Variants in GSE1 observed in about 807,000 individuals in gnomAD.
The protein encoded by GSE1 is genetic suppressor element 1.
A neutral mutation model predicts 112.6 loss-of-function variants in GSE1; 32 were observed. The observed-to-expected ratio is 0.28, with a 90% confidence interval of 0.21 to 0.38. The LOEUF (loss-of-function observed/expected upper bound fraction) is 0.38, where lower values mean the gene tolerates loss of function less well. Ranked by LOEUF, GSE1 falls within the 10% of genes least tolerant of loss-of-function variation. GSE1 has a pLI of 1.00. For missense variants in GSE1, 2,348 were observed against 1,699.2 expected (o/e 1.38, Z -6.71); for synonymous variants, 1,115 against 735.6 (o/e 1.52, Z -8.35).
intron 2 of GSE1, among the ~76,000 whole-genome samples, chr16:85,644,567 G>A (rs1472290378): frequency 6.6e-6 from 1 of 152,138 alleles, no homozygotes. Flanking sequence ...CAGGCGAGAA[G>A]GGCCACGCGG....
intron 1 of GSE1, among the ~76,000 whole-genome samples, chr16:85,277,625 C>T (rs942196433): frequency 5.9e-5 from 9 of 152,240 alleles, no homozygotes; most frequent in African/African-American, 2.2e-4. Context: ...AACTTCCACC[C>T]CACCTGGAAG....
intron 2 of GSE1, among the ~76,000 whole-genome samples, chr16:85,391,875 G>A (rs1215063944): frequency 6.6e-6 from 1 of 152,240 alleles, no homozygotes; most frequent in African/African-American, 2.4e-5. Flanking sequence ...TTGCTATGCT[G>A]GAACGTGTTC....
At chr16:85,201,167 G>C (rs993120892) in intron 1 of GSE1, among the ~76,000 whole-genome samples, 1 of 152,042 alleles carries the variant, frequency 6.6e-6, no homozygotes, top group African/African-American at 2.4e-5. Flanking sequence ...CAACCTCCCC[G>C]GTTTAAGTGA....
At chr16:85,529,310 G>A (rs995899061) in intron 2 of GSE1, among the ~76,000 whole-genome samples, 1 of 152,238 alleles carries the variant, frequency 6.6e-6, no homozygotes, top group Non-Finnish European at 1.5e-5. Context: ...GGAGACAGGG[G>A]CAGAGTCTCT....
intron 1 of GSE1, among the ~76,000 whole-genome samples, chr16:85,221,591 A>C (rs1160083189): frequency 6.6e-6 from 1 of 151,430 alleles, no homozygotes; most frequent in Non-Finnish European, 1.5e-5. Context: ...TCCAGCCCCA[A>C]CTCCCCAGCC....
chr16:85,183,603 CAGAT>C (rs772782196), intron 1 of GSE1, among the ~76,000 whole-genome samples: 1 of 152,244 alleles, frequency 6.6e-6, no homozygotes, highest in Non-Finnish European at 1.5e-5. Context: ...CATTTGGACT[CAGAT>C]AGATGTTTGC....
chr16:85,452,912 G>A (rs1011860748), intron 2 of GSE1, among the ~76,000 whole-genome samples: 69 of 152,088 alleles, frequency 4.5e-4, no homozygotes, highest in African/African-American at 1.3e-3. Flanking sequence ...GTGGTCGCTC[G>A]GTGCCTCCAA....
At chr16:85,300,585 G>A (rs914265343) in intron 1 of GSE1, among the ~76,000 whole-genome samples, 2 of 152,316 alleles carry the variant, frequency 1.3e-5, no homozygotes, top group Admixed American at 6.5e-5. Flanking sequence ...CAGCAGCGTC[G>A]TCAGGGTCTA....
chr16:85,268,969 G>A (rs1908551553), intron 1 of GSE1, among the ~76,000 whole-genome samples: 1 of 127,476 alleles, frequency 7.8e-6, no homozygotes. Flanking sequence ...GACAGGGGAG[G>A]GGGAGGCTGC....
In GSE1 at chr16:85,201,155, C is replaced by T. The variant is rs572202368; in HGVS notation, c.2283+29348C>T. 2.6e-5 allele frequency among the ~76,000 whole-genome samples: 4 copies of T among 152,262 alleles called. No individual in the cohort carries two copies. In the East Asian group the frequency reaches 7.7e-4, roughly 29 times the overall value. On this transcript the variant is annotated intron_variant, in intron 1 of 2. Coordinates refer to the GSE1 transcript ENST00000637419. ...TGGTGCAATCATAGCTCACTGCAGC[C>T]TCAACCTCCCCGGTTTAAGTGATCC...
chr16:85,431,272 C>T (rs769304517), intron 2 of GSE1, among the ~76,000 whole-genome samples: 4 of 152,216 alleles, frequency 2.6e-5, no homozygotes, highest in Admixed American at 6.5e-5. Flanking sequence ...CTGGCAGAAG[C>T]CAGCCTCCAG....
chr16:85,533,247 TAAA>T (rs34682517), intron 2 of GSE1, among the ~76,000 whole-genome samples: 1 of 142,710 alleles, frequency 7.0e-6, no homozygotes. Context: ...CTGTCTCTAC[TAAA>T]AAAAAAAAAA....
chr16:85,381,912 C>G (rs184157027), intron 2 of GSE1, among the ~76,000 whole-genome samples: 2 of 152,154 alleles, frequency 1.3e-5, no homozygotes, highest in Admixed American at 6.5e-5. Context: ...GGCATCTCAC[C>G]GGGCTGGGGC....
At chr16:85,651,742 C>T (rs912442996) in intron 3 of GSE1, among the ~76,000 whole-genome samples, 1 of 152,214 alleles carries the variant, frequency 6.6e-6, no homozygotes, top group Non-Finnish European at 1.5e-5. Flanking sequence ...GCTGTCGTCT[C>T]CCTCCTGCCC....
At chr16:85,332,357 C>G (rs1228126907) in intron 1 of GSE1, among the ~76,000 whole-genome samples, 1 of 152,194 alleles carries the variant, frequency 6.6e-6, no homozygotes, top group East Asian at 1.9e-4. Flanking sequence ...GCGGTACATA[C>G]CGAGCATGCA....
At chr16:85,496,987 C>T (rs891196540) in intron 2 of GSE1, among the ~76,000 whole-genome samples, 11 of 152,076 alleles carry the variant, frequency 7.2e-5, no homozygotes, top group African/African-American at 2.7e-4. Flanking sequence ...CAACCTCTGC[C>T]TCCCAGGTTC....
chr16:85,522,959 G>A (rs539342583), intron 2 of GSE1, among the ~76,000 whole-genome samples: 1 of 152,148 alleles, frequency 6.6e-6, no homozygotes, highest in Non-Finnish European at 1.5e-5. Context: ...GACCTGTGTG[G>A]GTGTATGTTG....
chr16:85,522,872 G>T (rs1230820049), intron 2 of GSE1, among the ~76,000 whole-genome samples: 1 of 151,958 alleles, frequency 6.6e-6, no homozygotes, highest in Non-Finnish European at 1.5e-5. Context: ...GTGTGACTTT[G>T]TTGTGTGCAT....
chr16:85,281,607 G>A (rs1466158059), intron 1 of GSE1, among the ~76,000 whole-genome samples: 1 of 152,118 alleles, frequency 6.6e-6, no homozygotes, highest in East Asian at 1.9e-4. Context: ...CTCTAAAAAC[G>A]ATATGCAATG....
Sources: allele counts gnomAD v4.1 joint callset (sites outside exome capture counted in the v4.1 genomes callset), GRCh38; gene constraint gnomAD v4.1.1; transcripts MANE v1.5; gene names NCBI Gene and HGNC (gene_info 2026-07-23, HGNC 2026-07-21).